Variants in OSBPL10 observed in about 807,000 individuals in gnomAD.
OSBPL10 encodes oxysterol binding protein like 10.
In OSBPL10, 49 loss-of-function variants were observed where a neutral mutation model predicts 81.7. The ratio of observed to expected loss-of-function variants is 0.60; its 90% CI spans 0.48 to 0.76. The LOEUF is 0.76. Ranked by LOEUF, OSBPL10 falls within the 30% of genes least tolerant of loss-of-function variation. The probability of loss-of-function intolerance (pLI) is 0.00; values close to 1 mark genes in which losing one functional copy is unlikely to be tolerated. For missense variants in OSBPL10, 923 were observed against 987.8 expected, an observed-to-expected ratio of 0.93 and a Z score of 0.88; for synonymous variants, 419 against 383.6, an observed-to-expected ratio of 1.09 and a Z score of -1.08.
chr3:31,665,891 A>T (rs1422574993), intron 10 of OSBPL10, among the ~76,000 whole-genome samples: 1 of 152,134 alleles, frequency 6.6e-6, no homozygotes, highest in Non-Finnish European at 1.5e-5. Flanking sequence ...AGTGGCCCCA[A>T]GAGTAGAGGG....
chr3:31,876,533 A>G (rs1701476452), intron 2 of OSBPL10, 21 bp from the exon 3 acceptor site: 1 of 1,589,226 alleles, frequency 6.3e-7, no homozygotes, highest in African/African-American at 1.3e-5. Context: ...GAAAACAGAG[A>G]AAGAAATGAT....
chr3:31,661,783 G>C lies in OSBPL10; in HGVS notation c.*289C>G, dbSNP rs1298973698. 1 of 298,974 alleles carries C rather than the reference G, an allele frequency of 3.3e-6. No individual in the cohort carries two copies. The highest frequency in any genetic ancestry group is 1.5e-4 in the South Asian group (1 of 6,482). The allele number at this position is 298,974 out of a possible 1,614,324, so 18.5% of individuals were successfully genotyped here. ...GCTTATGATTACCCACTTTAACCTT[G>C]GTGAGTGCAGTATTTAAATGTGTAA... On this transcript the variant is annotated 3_prime_UTR_variant, in exon 12 of 12. Transcript: ENST00000396556.
chr3:31,814,752 T>C (rs767951033), intron 4 of OSBPL10, among the ~76,000 whole-genome samples: 13 of 152,172 alleles, frequency 8.5e-5, no homozygotes, highest in Non-Finnish European at 1.8e-4. Context: ...GCTGTAGTAC[T>C]TGGTTGTACA....
chr3:31,770,386 T>C (rs1456537155), intron 4 of OSBPL10, among the ~76,000 whole-genome samples: 3 of 152,084 alleles, frequency 2.0e-5, no homozygotes, highest in Non-Finnish European at 4.4e-5. Flanking sequence ...CTGTGTGGTC[T>C]GTTCTCCTTG....
intron 4 of OSBPL10, among the ~76,000 whole-genome samples, chr3:31,826,153 T>C (rs1700096481): frequency 6.6e-6 from 1 of 152,206 alleles, no homozygotes; most frequent in African/African-American, 2.4e-5. Context: ...AGGAAATTTA[T>C]GGGTCACTGG....
At chr3:31,674,881 G>A (rs956752557) in intron 8 of OSBPL10, among the ~76,000 whole-genome samples, 6 of 152,172 alleles carry the variant, frequency 3.9e-5, no homozygotes, top group East Asian at 1.9e-4. Flanking sequence ...CTGTGCTACC[G>A]GATGACTCTG....
intron 4 of OSBPL10, among the ~76,000 whole-genome samples, chr3:31,761,820 A>AAAAAAAG (rs1553622718): frequency 4.7e-5 from 7 of 149,672 alleles, no homozygotes; most frequent in African/African-American, 1.8e-4. Flanking sequence ...CTCTAAAAAA[A>AAAAAAAG]AAAAAAAAAA....
chr3:31,812,989 T>G (rs1309849904), intron 4 of OSBPL10, among the ~76,000 whole-genome samples: 1 of 152,156 alleles, frequency 6.6e-6, no homozygotes, highest in Non-Finnish European at 1.5e-5. Context: ...ATTTTATCCC[T>G]TCTAGACAAC....
At chr3:31,711,055 C>G (rs1696236477) in intron 6 of OSBPL10, 2 of 152,148 alleles carry the variant, frequency 1.3e-5, no homozygotes, top group South Asian at 4.1e-4. Flanking sequence ...TTCTCCTACC[C>G]CTGGAGACTA....
At chr3:31,828,247 A>G (rs1700146659) in intron 4 of OSBPL10, among the ~76,000 whole-genome samples, 1 of 152,220 alleles carries the variant, frequency 6.6e-6, no homozygotes. Context: ...GTATTTATCT[A>G]ACAGGAACTT....
chr3:31,779,528 A>T (rs1698633178), intron 4 of OSBPL10, among the ~76,000 whole-genome samples: 1 of 152,238 alleles, frequency 6.6e-6, no homozygotes, highest in African/African-American at 2.4e-5. Context: ...CCCTAAATAT[A>T]TATGCACCTG....
chr3:31,744,078 T>C (rs1034138871), intron 5 of OSBPL10, among the ~76,000 whole-genome samples: 7 of 152,204 alleles, frequency 4.6e-5, no homozygotes, highest in Non-Finnish European at 8.8e-5. Context: ...GTGGGTAGCA[T>C]AGATTTAAGA....
intron 1 of OSBPL10, among the ~76,000 whole-genome samples, chr3:31,883,828 G>A (rs1695660504): frequency 6.6e-6 from 1 of 152,192 alleles, no homozygotes; most frequent in Non-Finnish European, 1.5e-5. Flanking sequence ...CTGGCCACAT[G>A]CCACTCTTAC....
intron 4 of OSBPL10, among the ~76,000 whole-genome samples, chr3:31,818,375 G>T (rs1228019372): frequency 6.6e-6 from 1 of 152,174 alleles, no homozygotes; most frequent in Non-Finnish European, 1.5e-5. Flanking sequence ...TGCAGATTTT[G>T]AAGTTGCCAG....
chr3:32,065,739 A>G (rs1442517673), intron 1 of OSBPL10, among the ~76,000 whole-genome samples: 1 of 88,838 alleles, frequency 1.1e-5, no homozygotes, highest in African/African-American at 2.9e-5. Context: ...AAAATCAGCC[A>G]GGCATGGTGG....
At chr3:32,042,701 C>T (rs1699589849) in intron 2 of OSBPL10, among the ~76,000 whole-genome samples, 2 of 152,056 alleles carry the variant, frequency 1.3e-5, no homozygotes, top group Admixed American at 6.6e-5. Flanking sequence ...CCGTGATGCC[C>T]ACCTGAGCCT....
chr3:31,933,782 C>G (rs1038795310), intron 1 of OSBPL10, among the ~76,000 whole-genome samples: 2 of 152,092 alleles, frequency 1.3e-5, no homozygotes, highest in Non-Finnish European at 2.9e-5. Flanking sequence ...CACTGAAGGA[C>G]AGCAATCAAG....
At chr3:31,900,657 T>C (rs1696210517) in intron 1 of OSBPL10, among the ~76,000 whole-genome samples, 1 of 152,254 alleles carries the variant, frequency 6.6e-6, no homozygotes, top group Non-Finnish European at 1.5e-5. Flanking sequence ...ATTTATTTTG[T>C]ACTTTTGCCA....
intron 2 of OSBPL10, among the ~76,000 whole-genome samples, chr3:32,043,615 T>G (rs1379581349): frequency 6.6e-6 from 1 of 152,230 alleles, no homozygotes; most frequent in East Asian, 1.9e-4. Flanking sequence ...GTCCCTCCGT[T>G]TGGGATCCCT....
Sources: gnomAD v4.1 joint callset for allele counts (sites outside exome capture counted in the v4.1 genomes callset) on GRCh38, gnomAD v4.1.1 for gene constraint, MANE v1.5 for transcripts, NCBI Gene and HGNC (gene_info 2026-07-23, HGNC 2026-07-21) for gene names.